TMEM71: variants seen among roughly 807,000 people sequenced by gnomAD.
TMEM71 encodes the protein transmembrane protein 71.
TMEM71 carries 44 observed loss-of-function variants against 38.0 expected under a neutral mutation model. The ratio of observed to expected loss-of-function variants is 1.16; its 90% CI spans 0.91 to 1.49. The LOEUF (loss-of-function observed/expected upper bound fraction) is 1.49, where lower values mean the gene tolerates loss of function less well. Among genes scored for constraint, TMEM71 ranks in the 40% most tolerant of loss-of-function variants. TMEM71 has a pLI of 0.00. For synonymous variants in TMEM71, 133 were observed against 122.5 expected, an observed-to-expected ratio of 1.09 and a Z score of -0.56; for missense variants, 367 against 348.6, an observed-to-expected ratio of 1.05 and a Z score of -0.42.
chr8:132,758,708 G>A (rs1829168734), intron 2 of TMEM71, 132 bp downstream of exon 2: 3 of 708,966 alleles, frequency 4.2e-6, no homozygotes, highest in Non-Finnish European at 5.0e-6. Flanking sequence ...AGTGAACACT[G>A]GCATTTAAGA....
intron 5 of TMEM71, among the ~76,000 whole-genome samples, chr8:132,743,399 A>C (rs139482571): frequency 6.6e-6 from 1 of 152,064 alleles, no homozygotes; most frequent in African/African-American, 2.4e-5. Flanking sequence ...TTGAACACTC[A>C]GTCCTCATCC....
At chr8:132,733,095 T>C (rs1372508885) in intron 5 of TMEM71, among the ~76,000 whole-genome samples, 5 of 152,190 alleles carry the variant, frequency 3.3e-5, no homozygotes, top group Non-Finnish European at 7.3e-5. Flanking sequence ...AGAGGACAGA[T>C]CATAATTTAT....
rs956026457 is a variant in TMEM71 at position 132,725,619 on chromosome 8, C to A, written c.676+2179G>T. 3.3e-5 allele frequency among the ~76,000 whole-genome samples: 5 copies of A among 152,284 alleles called. No homozygotes were observed. In the South Asian group the frequency reaches 1.0e-3, roughly 32 times the overall value. On this transcript the variant is annotated intron_variant, in intron 6 of 9. Transcript: ENST00000677595. Reference sequence around the variant, plus strand: ...CCTGGAAAAGAACACACATGCAATACCTACATGTGAAGGGCTTAATGGAAG... The same window carrying A: ...CCTGGAAAAGAACACACATGCAATAACTACATGTGAAGGGCTTAATGGAAG...
At chr8:132,744,064 T>G (rs1041733085) in intron 5 of TMEM71, among the ~76,000 whole-genome samples, 5 of 152,148 alleles carry the variant, frequency 3.3e-5, no homozygotes, top group Admixed American at 3.3e-4. Flanking sequence ...ATGTCATGTT[T>G]GTGTACTTAT....
intron 5 of TMEM71, among the ~76,000 whole-genome samples, chr8:132,734,259 A>G (rs930553389): frequency 1.3e-5 from 2 of 152,154 alleles, no homozygotes; most frequent in Admixed American, 6.5e-5. Flanking sequence ...TGGTGATGGA[A>G]TTCACAGGTG....
the TMEM71 span, among the ~76,000 whole-genome samples, chr8:132,773,960 T>G: frequency 6.6e-6 from 1 of 152,310 alleles, no homozygotes; most frequent in Middle Eastern, 3.4e-3. Flanking sequence ...TTGTAGATTA[T>G]CAGTGAGGCC....
At chr8:132,715,655 A>G (rs571340497) in intron 7 of TMEM71, among the ~76,000 whole-genome samples, 2 of 152,274 alleles carry the variant, frequency 1.3e-5, no homozygotes, top group Non-Finnish European at 2.9e-5. Context: ...CTTTATTCAA[A>G]GTGGTCAAAA....
At chr8:132,745,927 A>C in intron 5 of TMEM71, among the ~76,000 whole-genome samples, 1 of 151,038 alleles carries the variant, frequency 6.6e-6, no homozygotes. Context: ...GAGAAAACCA[A>C]ATACCCTATG....
chr8:132,724,090 G>A (rs1370251254), intron 6 of TMEM71, among the ~76,000 whole-genome samples: 1 of 152,140 alleles, frequency 6.6e-6, no homozygotes, highest in African/African-American at 2.4e-5. Context: ...GCAAAAAGGA[G>A]AACAAAGATC....
chr8:132,713,651 G>A (rs1284611400), intron 9 of TMEM71, among the ~76,000 whole-genome samples: 1 of 152,306 alleles, frequency 6.6e-6, no homozygotes, highest in African/African-American at 2.4e-5. Flanking sequence ...TTCATGGGCA[G>A]TTTGCCAGCT....
chr8:132,765,205 GC>G (rs1306208864), upstream of TMEM71, among the ~76,000 whole-genome samples: 1 of 152,152 alleles, frequency 6.6e-6, no homozygotes, highest in African/African-American at 2.4e-5. Flanking sequence ...GTTAAGATAG[GC>G]CCTAAAAGCA....
At chr8:132,735,074 T>A (rs895983412) in intron 5 of TMEM71, among the ~76,000 whole-genome samples, 1 of 152,216 alleles carries the variant, frequency 6.6e-6, no homozygotes, top group Non-Finnish European at 1.5e-5. Flanking sequence ...TTTCCAGGAC[T>A]GGCAGAAATA....
intron 9 of TMEM71, among the ~76,000 whole-genome samples, chr8:132,713,764 G>T (rs539578596): frequency 1.3e-5 from 2 of 152,158 alleles, no homozygotes; most frequent in Admixed American, 1.3e-4. Flanking sequence ...AAATGACATC[G>T]CCTTTCAAAT....
At chr8:132,774,738 C>A in the TMEM71 span, among the ~76,000 whole-genome samples, 1 of 152,250 alleles carries the variant, frequency 6.6e-6, no homozygotes, top group Admixed American at 6.5e-5. Context: ...TCGATAAAAG[C>A]AGTTCTGCTA....
Position 132,710,481 on chromosome 8 carries a change from T to G in TMEM71, c.*486A>C. 1 of 200,854 alleles carries G rather than the reference T, an allele frequency of 5.0e-6. No individual in the cohort carries two copies. The highest frequency in any genetic ancestry group is 1.2e-4 in the East Asian group (1 of 8,074). 12.4% of individuals were successfully genotyped at this position (200,854 alleles called of 1,614,324 possible). On this transcript the variant is annotated 3_prime_UTR_variant, in exon 10 of 10. Coordinates refer to ENST00000677595, the MANE Select transcript of TMEM71 (RefSeq NM_001382403.1). Reference sequence around the variant, plus strand: ...CAAACTTTTGCAGCATTATATTTTATGTACAAATTGCATTTATTGTTATTC... The same window carrying G: ...CAAACTTTTGCAGCATTATATTTTAGGTACAAATTGCATTTATTGTTATTC...
intron 9 of TMEM71, among the ~76,000 whole-genome samples, chr8:132,711,896 T>A (rs2130990973): frequency 6.6e-6 from 1 of 152,232 alleles, no homozygotes; most frequent in South Asian, 2.1e-4. Flanking sequence ...CCTTAGATTC[T>A]CATCATTGAT....
At chr8:132,717,320 A>G (rs1826587273) in intron 7 of TMEM71, among the ~76,000 whole-genome samples, 1 of 152,238 alleles carries the variant, frequency 6.6e-6, no homozygotes, top group Non-Finnish European at 1.5e-5. Flanking sequence ...AATAGGAAAA[A>G]CATTTGCAAA....
intron 3 of TMEM71, among the ~76,000 whole-genome samples, chr8:132,755,624 A>T (rs1457544813): frequency 6.6e-6 from 1 of 152,208 alleles, no homozygotes; most frequent in East Asian, 1.9e-4. Flanking sequence ...TTAGATGATT[A>T]CACACTGATA....
At chr8:132,775,595 C>A in the TMEM71 span, 1 of 348,294 alleles carries the variant, frequency 2.9e-6, no homozygotes, top group Non-Finnish European at 5.2e-6. Context: ...TGCTCGTGCC[C>A]CAGCTCGGCC....
Sources: gnomAD v4.1 joint callset for allele counts (sites outside exome capture counted in the v4.1 genomes callset) on GRCh38, gnomAD v4.1.1 for gene constraint, MANE v1.5 for transcripts, NCBI Gene and HGNC (gene_info 2026-07-23, HGNC 2026-07-21) for gene names.